Variants in PROSER2 observed in about 807,000 individuals in gnomAD.
PROSER2 encodes proline and serine-rich protein 2.
A neutral mutation model predicts 14.6 loss-of-function variants in PROSER2; 18 were observed. The observed-to-expected ratio is 1.23, with a 90% CI of 0.85 to 1.83. The LOEUF (loss-of-function observed/expected upper bound fraction) is 1.83, where lower values mean the gene tolerates loss of function less well. PROSER2 is among the 40% of genes most tolerant of loss of function. The probability of loss-of-function intolerance (pLI) is 0.00; values close to 1 mark genes in which losing one functional copy is unlikely to be tolerated. For synonymous variants in PROSER2, 367 were observed against 286.4 expected, an observed-to-expected ratio of 1.28 and a Z score of -2.84; for missense variants, 823 against 629.8, an observed-to-expected ratio of 1.31 and a Z score of -3.28.
chr10:11,858,444 G>A lies in PROSER2; in HGVS notation c.138+6229G>A, dbSNP rs115131871. Among the ~76,000 whole-genome samples the A allele has an allele frequency of 8.5e-3, 1,288 of 152,268 alleles. 21 individuals are homozygous for A. Among genetic ancestry groups the A allele is most frequent in the African/African-American group, 0.029 (1,214 of 41,538 alleles). On this transcript the variant is annotated intron_variant, in intron 2 of 3. Transcript: ENST00000277570. ...GCCCTCAGAGCTTGAATGGGGCTTG[G>A]ATAGACCTTTTTTCTGCCATCTCTA... is the stretch of plus-strand genomic sequence containing the variant.
At position 11,837,148 on chromosome 10, in the gene PROSER2, G is replaced by A. The variant is rs1311526535; in HGVS notation, c.-82+13678G>A. On this transcript the variant is annotated intron_variant, in intron 1 of 3. Coordinates refer to ENST00000277570, the MANE Select transcript of PROSER2 (RefSeq NM_153256.4). The surrounding 1 kb of genome is among the most constrained non-coding windows in gnomAD (Gnocchi z 4.6). The stretch of plus-strand genomic sequence containing the variant: ...TGATGCTGGCTGGTAATTTGTATAT[G>A]CTGAAGAGAAGCTACCAAGTGCTTC... Among the ~76,000 whole-genome samples, 2 of 152,108 alleles carry A rather than the reference G, an allele frequency of 1.3e-5. No individual in the cohort carries two copies. The highest frequency in any genetic ancestry group is 3.8e-4 in the East Asian group (2 of 5,200).
chr10:11,847,154 A>AATATATAT (rs200913870), intron 1 of PROSER2, among the ~76,000 whole-genome samples: 2 of 88,250 alleles, frequency 2.3e-5, no homozygotes, highest in Admixed American at 1.1e-4. Context: ...AACATAAATA[A>AATATATAT]ATATATATAT....
In PROSER2 at chr10:11,866,450, C is replaced by A; in HGVS notation, c.139-81C>A. 2 of 1,559,582 alleles carry A rather than the reference C, an allele frequency of 1.3e-6. No homozygotes were observed. Among genetic ancestry groups the A allele is most frequent in the Non-Finnish European group, 1.7e-6 (2 of 1,147,412 alleles). On this transcript the variant is annotated intron_variant, in intron 2 of 3. Transcript: ENST00000277570. The surrounding 1 kb of genome is among the most constrained non-coding windows in gnomAD (Gnocchi z 6.0). ...GTTCCGCCCTGGGCTGTGGACCAAT[C>A]CCAACTTTGCTTCAGCTTTTGTCTC... is the stretch of plus-strand genomic sequence containing the variant.
chr10:11,855,073 A>C (rs1834097489), intron 2 of PROSER2, among the ~76,000 whole-genome samples: 1 of 152,044 alleles, frequency 6.6e-6, no homozygotes, highest in Non-Finnish European at 1.5e-5. Context: ...AAGGCTCTTT[A>C]AGTAAAACAT....
rs967049644 is a variant in PROSER2 at position 11,869,988 on chromosome 10, C to G, written c.890C>G (p.Pro297Arg). ...ATIHGHAGAF[P>R]AAGDAGEGAP... ...ATCCACGGCCACGCCGGCGCCTTCC[C>G]CGCCGCGGGGGACGCCGGCGAGGGG... The change falls in exon 4 of 4, where the codon CCC (proline) becomes CGC (arginine). Residue 297 changes from proline (P) to arginine (R), a missense_variant. Physicochemically the swap from Pro to Arg is moderately radical, Grantham distance 103. Coordinates refer to ENST00000277570, the MANE Select transcript of PROSER2 (RefSeq NM_153256.4). The surrounding 1 kb of genome is among the most constrained non-coding windows in gnomAD (Gnocchi z 4.4). The G allele has an allele frequency of 2.3e-4, 289 of 1,281,062 alleles. No individual in the cohort carries two copies. Among genetic ancestry groups the G allele is most frequent in the Non-Finnish European group, 2.8e-4 (281 of 1,017,234 alleles). The allele number at this position is 1,281,062 out of a possible 1,614,324, so 79.4% of individuals were successfully genotyped here. A position where few individuals can be genotyped will look rare whatever the true frequency, so the allele number is the denominator to read the frequency against.
At position 11,871,825 on chromosome 10, in the gene PROSER2, T is replaced by G. The variant is rs1365432734; in HGVS notation, c.*1419T>G. The stretch of plus-strand genomic sequence containing the variant: ...AGTATTACTTAAATTCAGGCTTAAA[T>G]GTGCTATGAAGGGCATTTTTCATAG... On this transcript the variant is annotated 3_prime_UTR_variant, in exon 4 of 4. Coordinates refer to ENST00000277570, the MANE Select transcript of PROSER2 (RefSeq NM_153256.4). The G allele has an allele frequency of 2.0e-5, 3 of 152,162 alleles. No individual in the cohort carries two copies. The highest frequency in any genetic ancestry group is 7.2e-5 in the African/African-American group (3 of 41,462). 9.4% of individuals were successfully genotyped at this position (152,162 alleles called of 1,614,324 possible). A position where few individuals can be genotyped will look rare whatever the true frequency, so the allele number is the denominator to read the frequency against.
intron 2 of PROSER2, among the ~76,000 whole-genome samples, chr10:11,855,058 C>G (rs1350679185): frequency 6.6e-6 from 1 of 151,032 alleles, no homozygotes; most frequent in Non-Finnish European, 1.5e-5. Flanking sequence ...AAATGCACCT[C>G]TTAGAAGGCT....
intron 2 of PROSER2, among the ~76,000 whole-genome samples, chr10:11,853,321 C>T (rs897776307): frequency 4.6e-5 from 7 of 152,226 alleles, no homozygotes; most frequent in African/African-American, 1.7e-4. Context: ...GGCACAGTGG[C>T]TCACGCCTGT....
chr10:11,826,386 C>A (rs531151691), intron 1 of PROSER2, among the ~76,000 whole-genome samples: 1 of 152,042 alleles, frequency 6.6e-6, no homozygotes, highest in African/African-American at 2.4e-5. Context: ...CTTTTGGGTC[C>A]GTACCTGAAA....
rs376492765 is a variant in PROSER2, at chr10:11,833,257, A to G, written c.-82+9787A>G. Among the ~76,000 whole-genome samples the G allele has an allele frequency of 4.8e-4, 7 of 14,706 alleles. No homozygotes were observed. In the East Asian group the frequency reaches 0.018, roughly 38 times the overall value. The allele number at this position is 14,706 out of a possible 152,430, so 9.6% of individuals were successfully genotyped here. A position where few individuals can be genotyped will look rare whatever the true frequency, so the allele number is the denominator to read the frequency against. On this transcript the variant is annotated intron_variant, in intron 1 of 3. Transcript: ENST00000277570. Reference sequence around the variant, plus strand: ...TGGCTTTTTTTTTTTTTTTTTTTTTAGTTCTTTGCTGGGTGCAGTGGCTCA... The same window carrying G: ...TGGCTTTTTTTTTTTTTTTTTTTTTGGTTCTTTGCTGGGTGCAGTGGCTCA...
In PROSER2 at chr10:11,870,250, C is replaced by A. The variant is rs1834454451; in HGVS notation, c.1152C>A (p.Pro384=). The part of the protein sequence containing the change: ...LPSTRARQSF[P]GPRQPNGAQD... ...GCACGCGGGCCCGTCAGAGCTTCCC[C>A]GGGCCCCGGCAGCCCAACGGCGCCC... Residue 384 remains proline, a synonymous_variant, in exon 4 of 4, where the codon CCC becomes CCA. Coordinates refer to ENST00000277570, the MANE Select transcript of PROSER2 (RefSeq NM_153256.4). 4 of 1,486,512 alleles carry A rather than the reference C, an allele frequency of 2.7e-6. No homozygotes were observed. Among genetic ancestry groups the A allele is most frequent in the African/African-American group, 1.5e-5 (1 of 67,978 alleles). 92.1% of individuals were successfully genotyped at this position (1,486,512 alleles called of 1,614,324 possible).
In PROSER2 at chr10:11,869,759, C is replaced by T. The variant is rs747495852; in HGVS notation, c.661C>T (p.Arg221Trp). 6 of 1,572,730 alleles carry T rather than the reference C, an allele frequency of 3.8e-6. No homozygotes were observed. Among genetic ancestry groups the T allele is most frequent in the African/African-American group, 1.4e-5 (1 of 74,052 alleles). Residue 221 changes from arginine (R) to tryptophan (W), a missense_variant, in exon 4 of 4, where the codon CGG becomes TGG. Coordinates refer to ENST00000277570, the MANE Select transcript of PROSER2 (RefSeq NM_153256.4). The surrounding 1 kb of genome is among the most constrained non-coding windows in gnomAD (Gnocchi z 4.4). ...LSPTSPFREG[R>W]PGEWRTPAAR... Reference sequence around the variant, plus strand: ...GCCCACCTCCCCGTTCAGGGAGGGCCGGCCCGGGGAGTGGAGGACACCTGC... The same window carrying T: ...GCCCACCTCCCCGTTCAGGGAGGGCTGGCCCGGGGAGTGGAGGACACCTGC...
At position 11,870,383 on chromosome 10, in the gene PROSER2, G is replaced by T; in HGVS notation, c.1285G>T (p.Gly429Trp). The T allele has an allele frequency of 6.6e-7, 1 of 1,505,320 alleles. No homozygotes were observed. The highest frequency in any genetic ancestry group is 8.9e-7 in the Non-Finnish European group (1 of 1,129,022). The allele number at this position is 1,505,320 out of a possible 1,614,324, so 93.2% of individuals were successfully genotyped here. The change falls in exon 4 of 4, where the codon GGG becomes TGG. Residue 429 changes from glycine (G) to tryptophan (W), a missense_variant. By Grantham distance (184) the Gly-to-Trp change is radical. Transcript: ENST00000277570. Reference protein sequence around the residue: ...EARREALRKLGLLRESS With the variant: ...EARREALRKLWLLRESS ...GCGCAGGGAGGCCCTGCGGAAGCTGGGGCTGCTCAGGGAGAGTTCGTGAGG... is the reference window on the plus strand; with the variant it reads ...GCGCAGGGAGGCCCTGCGGAAGCTGTGGCTGCTCAGGGAGAGTTCGTGAGG...
intron 2 of PROSER2, among the ~76,000 whole-genome samples, chr10:11,859,434 C>T (rs1535981): frequency 0.96 from 145,536 of 152,238 alleles, 69,866 homozygotes; most frequent in East Asian, 1. Context: ...CTCAAAAAAA[C>T]AAACAAAAAA....
At position 11,869,559 on chromosome 10, in the gene PROSER2, C is replaced by T; in HGVS notation, c.461C>T (p.Ala154Val). The change falls in exon 4 of 4, where the codon GCT (alanine) becomes GTT (valine). Residue 154 changes from alanine to valine, a missense_variant. Coordinates refer to ENST00000277570, the MANE Select transcript of PROSER2 (RefSeq NM_153256.4). This position sits in a 1 kb window ranked among gnomAD's most constrained non-coding sequence, Gnocchi z 4.4. ...AETPPPPDPPAPETLLAPPPL... is the reference protein window; with the variant it reads ...AETPPPPDPPVPETLLAPPPL... ...ACTCCTCCACCTCCAGACCCCCCGG[C>T]TCCCGAGACCCTTCTTGCGCCACCA... 2 of 1,612,886 alleles carry T rather than the reference C, an allele frequency of 1.2e-6. No individual in the cohort carries two copies. Among genetic ancestry groups the T allele is most frequent in the Non-Finnish European group, 8.5e-7 (1 of 1,178,966 alleles).
At chr10:11,847,216 TC>T (rs1833935695) in intron 1 of PROSER2, among the ~76,000 whole-genome samples, 1 of 150,858 alleles carries the variant, frequency 6.6e-6, no homozygotes, top group African/African-American at 2.4e-5. Context: ...AACCCCATTT[TC>T]CTCTACAGCT....
At chr10:11,844,685 G>C (rs922968163) in intron 1 of PROSER2, among the ~76,000 whole-genome samples, 1 of 152,098 alleles carries the variant, frequency 6.6e-6, no homozygotes, top group Admixed American at 6.5e-5. Context: ...GCAGTGGCAC[G>C]ATCTCAGCTC....
Position 11,853,157 on chromosome 10 carries a change from C to T in PROSER2, c.138+942C>T, listed in dbSNP as rs117140890. Among the ~76,000 whole-genome samples the T allele has an allele frequency of 5.4e-3, 829 of 152,298 alleles. 8 individuals are homozygous for T. Among genetic ancestry groups the T allele is most frequent in the South Asian group, 0.023 (112 of 4,824 alleles). On this transcript the variant is annotated intron_variant, in intron 2 of 3. Coordinates refer to ENST00000277570, the MANE Select transcript of PROSER2 (RefSeq NM_153256.4). ...GGAACGCCAGTTTCCCTCAGATACA[C>T]TGAGCCATAAAATTAGCCTCAGTTA...
At position 11,865,615 on chromosome 10, in the gene PROSER2, G is replaced by C. The variant is rs1834329388; in HGVS notation, c.139-916G>C. Among the ~76,000 whole-genome samples the C allele has an allele frequency of 1.3e-5, 2 of 152,176 alleles. No individual in the cohort carries two copies. Among genetic ancestry groups the C allele is most frequent in the Admixed American group, 6.5e-5 (1 of 15,284 alleles). Reference sequence around the variant, plus strand: ...TCTTGCTGGGGAACCCTTGGGATCAGCCTTTTTTGGCTCTTGGATTCCTCG... The same window carrying C: ...TCTTGCTGGGGAACCCTTGGGATCACCCTTTTTTGGCTCTTGGATTCCTCG... On this transcript the variant is annotated intron_variant, in intron 2 of 3. Coordinates refer to ENST00000277570, the MANE Select transcript of PROSER2 (RefSeq NM_153256.4). This position sits in a 1 kb window ranked among gnomAD's most constrained non-coding sequence, Gnocchi z 4.2.
Sources: allele counts gnomAD v4.1 joint callset (sites outside exome capture counted in the v4.1 genomes callset), GRCh38; gene constraint gnomAD v4.1.1; non-coding constraint Gnocchi (gnomAD v3.1); transcripts MANE v1.5; gene names NCBI Gene and HGNC (gene_info 2026-07-23, HGNC 2026-07-21).